LPP: variants seen among roughly 807,000 people sequenced by gnomAD.
LPP encodes the protein LIM domain containing preferred translocation partner in lipoma.
In LPP, 38 loss-of-function variants were observed where a neutral mutation model predicts 60.4. That is an observed-to-expected ratio of 0.63 (90% CI 0.49 to 0.83). The LOEUF (loss-of-function observed/expected upper bound fraction) is 0.83. LPP is among the 40% of genes least tolerant of loss of function. The probability of loss-of-function intolerance (pLI) is 0.00; values close to 1 mark genes in which losing one functional copy is unlikely to be tolerated. For missense variants in LPP, 902 were observed against 783.6 expected, an observed-to-expected ratio of 1.15 and a Z score of -1.80; for synonymous variants, 328 against 290.8, an observed-to-expected ratio of 1.13 and a Z score of -1.30.
intron 2 of LPP, among the ~76,000 whole-genome samples, chr3:188,339,319 C>G (rs1418939807): frequency 6.6e-6 from 1 of 152,206 alleles, no homozygotes; most frequent in African/African-American, 2.4e-5. Flanking sequence ...ACATGCCACT[C>G]AATCCACGTG....
At chr3:188,328,681 C>T (rs1036699150) in intron 2 of LPP, among the ~76,000 whole-genome samples, 3 of 152,170 alleles carry the variant, frequency 2.0e-5, no homozygotes, top group South Asian at 4.1e-4. Flanking sequence ...TAAACAGTTA[C>T]ACAAAGTGCA....
chr3:188,411,280 A>G (rs1015237582), intron 4 of LPP, among the ~76,000 whole-genome samples: 1 of 152,192 alleles, frequency 6.6e-6, no homozygotes, highest in South Asian at 2.1e-4. Flanking sequence ...TGGCATAGAT[A>G]TGGTGAAAAG....
chr3:188,756,299 T>A (rs773027953), intron 8 of LPP, among the ~76,000 whole-genome samples: 73 of 152,226 alleles, frequency 4.8e-4, no homozygotes, highest in Non-Finnish European at 1.0e-3. Context: ...ACTGACAAAG[T>A]TCCCCATCGG....
At chr3:188,213,961 AACACACACACACAC>A (rs59389556) in intron 1 of LPP, among the ~76,000 whole-genome samples, 3 of 130,410 alleles carry the variant, frequency 2.3e-5, no homozygotes, top group African/African-American at 8.5e-5. Flanking sequence ...TTAGATTTTA[AACACACACACACAC>A]ACACACACAC....
intron 2 of LPP, among the ~76,000 whole-genome samples, chr3:188,318,297 C>CT (rs1422929275): frequency 6.6e-6 from 1 of 151,666 alleles, no homozygotes; most frequent in Admixed American, 6.6e-5. Context: ...AATTCCATTT[C>CT]TTTTTTTGGT....
intron 3 of LPP, among the ~76,000 whole-genome samples, chr3:188,387,894 A>T (rs1467945916): frequency 1.4e-5 from 2 of 146,624 alleles, no homozygotes; most frequent in Non-Finnish European, 3.0e-5. Context: ...GGTTATTTCT[A>T]TCTATTGATG....
chr3:188,289,775 C>T (rs1745316579), intron 2 of LPP, among the ~76,000 whole-genome samples: 2 of 152,150 alleles, frequency 1.3e-5, no homozygotes, highest in Admixed American at 6.5e-5. Context: ...AACTTGAAAT[C>T]AGACAGGTGT....
chr3:188,153,297 G>A (rs1296788893), upstream of LPP: 1 of 152,286 alleles, frequency 6.6e-6, no homozygotes, highest in Non-Finnish European at 1.5e-5. Flanking sequence ...TCTCTTCCGA[G>A]AGCTTCAGTT....
At chr3:188,856,958 G>A (rs1179357428) in intron 9 of LPP, among the ~76,000 whole-genome samples, 1 of 152,154 alleles carries the variant, frequency 6.6e-6, no homozygotes, top group African/African-American at 2.4e-5. Flanking sequence ...GGCTATGTAA[G>A]TAATTATGTT....
At chr3:188,407,145 G>A (rs1253467295) in intron 4 of LPP, among the ~76,000 whole-genome samples, 1 of 151,560 alleles carries the variant, frequency 6.6e-6, no homozygotes, top group Non-Finnish European at 1.5e-5. Flanking sequence ...AGTGAAAGGA[G>A]ATTTAACTCC....
intron 2 of LPP, among the ~76,000 whole-genome samples, chr3:188,305,042 CT>C (rs1477905495): frequency 6.6e-6 from 1 of 152,090 alleles, no homozygotes; most frequent in Non-Finnish European, 1.5e-5. Flanking sequence ...ATTGCCAGGA[CT>C]TTTTTGTTTA....
intron 9 of LPP, among the ~76,000 whole-genome samples, chr3:188,807,926 G>A (rs1180502063): frequency 1.3e-5 from 2 of 152,100 alleles, no homozygotes; most frequent in African/African-American, 4.8e-5. Flanking sequence ...GTAAGTTTTT[G>A]TTAAAAGCCA....
intron 3 of LPP, among the ~76,000 whole-genome samples, chr3:188,387,724 A>G (rs7636617): frequency 0.01 from 1,522 of 151,582 alleles, 29 homozygotes; most frequent in African/African-American, 0.035. Flanking sequence ...GCGCCACCAC[A>G]CCCGGCTAAT....
rs148370776 is a variant in LPP at position 188,628,716 on chromosome 3, A to T, written c.1113+18872A>T. 2.7e-3 allele frequency among the ~76,000 whole-genome samples: 409 copies of T among 152,172 alleles called. 1 individual carries two copies. Among genetic ancestry groups the T allele is most frequent in the Non-Finnish European group, 3.1e-3 (208 of 67,968 alleles). On this transcript the variant is annotated intron_variant, in intron 7 of 11. Transcript: ENST00000617246. The stretch of plus-strand genomic sequence containing the variant: ...CCAATCGTACTAAATAGCTTCCAAA[A>T]ATCGAGGAGGAGGGACTCCTCCCTC...
At chr3:188,270,348 C>T (rs890552528) in intron 2 of LPP, among the ~76,000 whole-genome samples, 4 of 150,922 alleles carry the variant, frequency 2.7e-5, no homozygotes, top group Non-Finnish European at 5.9e-5. Context: ...AAGCCTCTTA[C>T]GTGTGTTAAA....
chr3:188,207,212 C>CTTTTTTTTTTTTTTCTTTTTTTTTTT (rs1733497982), intron 1 of LPP, among the ~76,000 whole-genome samples: 1 of 129,334 alleles, frequency 7.7e-6, no homozygotes. Flanking sequence ...TACACATTTT[C>CTTTTTTTTTTTTTTCTTTTTTTTTTT]TTTTTTTTTT....
chr3:188,843,069 T>A (rs968528977), intron 9 of LPP, among the ~76,000 whole-genome samples: 1 of 152,244 alleles, frequency 6.6e-6, no homozygotes, highest in Non-Finnish European at 1.5e-5. Context: ...ATCTTTTTGT[T>A]GTTTAGTATG....
chr3:188,430,738 T>C (rs1347055355), intron 4 of LPP, among the ~76,000 whole-genome samples: 1 of 152,254 alleles, frequency 6.6e-6, no homozygotes, highest in Non-Finnish European at 1.5e-5. Flanking sequence ...TGAGAAGGCA[T>C]AGACATAACT....
intron 7 of LPP, among the ~76,000 whole-genome samples, chr3:188,676,414 A>C (rs910243972): frequency 6.6e-6 from 1 of 152,236 alleles, no homozygotes; most frequent in Non-Finnish European, 1.5e-5. Context: ...ACTGAAGTTG[A>C]GAACACATTT....
Sources: allele counts gnomAD v4.1 joint callset (sites outside exome capture counted in the v4.1 genomes callset), GRCh38; gene constraint gnomAD v4.1.1; transcripts MANE v1.5; gene names NCBI Gene and HGNC (gene_info 2026-07-23, HGNC 2026-07-21).